FMO1: variants seen among roughly 807,000 people sequenced by gnomAD.
The protein encoded by FMO1 is flavin containing dimethylaniline monoxygenase 1.
Under a neutral mutation model 45.4 loss-of-function variants are expected in FMO1, and 36 were observed. The ratio of observed to expected loss-of-function variants is 0.79; its 90% confidence interval spans 0.61 to 1.05. The LOEUF (loss-of-function observed/expected upper bound fraction) is 1.05. Among genes scored for constraint, FMO1 ranks in the 50% least tolerant of loss-of-function variants. The pLI, the probability that FMO1 is intolerant of heterozygous loss-of-function variation, is 0.00. For synonymous variants in FMO1, 228 were observed against 227.2 expected (o/e 1.00, Z -0.03); for missense variants, 615 against 640.3 (o/e 0.96, Z 0.43).
Position 171,282,174 on chromosome 1 carries a change from G to A in FMO1, c.1024G>A (p.Val342Ile), listed in dbSNP as rs1040456258. ...TFAFPFLDES[V>I]VKVEDGQASL... The stretch of plus-strand genomic sequence containing the variant: ...TGCTTTCCCCTTCCTTGATGAGTCT[G>A]TAGTGAAAGTTGAAGATGGCCAGGC... The change falls in exon 7 of 9, where the codon GTA (valine) becomes ATA (isoleucine). Residue 342 changes from valine to isoleucine, a missense_variant. Val to Ile is a conservative substitution (Grantham distance 29, BLOSUM62 3). Coordinates refer to ENST00000617670, the MANE Select transcript of FMO1 (RefSeq NM_001282693.2). The A allele has an allele frequency of 1.2e-6, 2 of 1,614,046 alleles. No individual in the cohort carries two copies. The highest frequency in any genetic ancestry group is 2.7e-5 in the African/African-American group (2 of 75,052).
chr1:171,268,213 A>C (rs1042623773), intron 3 of FMO1, among the ~76,000 whole-genome samples: 8 of 152,082 alleles, frequency 5.3e-5, no homozygotes, highest in African/African-American at 1.9e-4. Context: ...CAGCCTCCCA[A>C]GTAGCTGGGA....
chr1:171,270,102 C>T (rs1329599130), intron 3 of FMO1, among the ~76,000 whole-genome samples: 8 of 152,126 alleles, frequency 5.3e-5, no homozygotes, highest in Non-Finnish European at 1.0e-4. Flanking sequence ...AATATAACTG[C>T]CATTACATGG....
At chr1:171,282,897 C>T in intron 7 of FMO1, 1 of 399,468 alleles carries the variant, frequency 2.5e-6, no homozygotes, top group Non-Finnish European at 4.5e-6. Context: ...TTCAGCCAAA[C>T]TAGTTGTGAG....
At chr1:171,255,201 G>A (rs1660098304) in intron 1 of FMO1, among the ~76,000 whole-genome samples, 1 of 152,124 alleles carries the variant, frequency 6.6e-6, no homozygotes, top group South Asian at 2.1e-4. Flanking sequence ...CTTGAATAAA[G>A]CCAATTTTAG....
chr1:171,254,015 G>T (rs974238758), intron 1 of FMO1: 1 of 152,138 alleles, frequency 6.6e-6, no homozygotes, highest in Non-Finnish European at 1.5e-5. Context: ...ACTACCTTTG[G>T]ACTAGCCAAT....
At position 171,253,209 on chromosome 1, in the gene FMO1, T is replaced by C. The variant is rs28384828; in HGVS notation, c.-7+4586T>C. 3.8e-3 allele frequency among the ~76,000 whole-genome samples: 578 copies of C among 152,326 alleles called. 3 individuals are homozygous for C. The highest frequency in any genetic ancestry group is 0.012 in the African/African-American group (499 of 41,566). On this transcript the variant is annotated intron_variant, in intron 1 of 8. Coordinates refer to ENST00000617670, the MANE Select transcript of FMO1 (RefSeq NM_001282693.2). ...CATCATTCTTATATTTCCCTACTCA[T>C]TTCCTTCACTTTCTAAAACACAATC...
Position 171,273,400 on chromosome 1 carries a change from T to C in FMO1, c.322-1946T>C, listed in dbSNP as rs28360396. ...TATTTTGCAATGGACACAGTAAAAA[T>C]AAAGCATTATCATAATGAATATATA... On this transcript the variant is annotated intron_variant, in intron 3 of 8. Transcript: ENST00000617670. Among the ~76,000 whole-genome samples, 132 of 152,316 alleles carry C rather than the reference T, an allele frequency of 8.7e-4. 3 individuals are homozygous for C. The East Asian group carries it at 0.022, about 25-fold the overall frequency.
At chr1:171,251,226 C>A (rs965597269) in intron 1 of FMO1, among the ~76,000 whole-genome samples, 3 of 152,100 alleles carry the variant, frequency 2.0e-5, no homozygotes, top group African/African-American at 7.2e-5. Context: ...TTAATCTTAC[C>A]GAATAAATGT....
At chr1:171,250,971 T>C (rs1192694078) in intron 1 of FMO1, among the ~76,000 whole-genome samples, 1 of 152,198 alleles carries the variant, frequency 6.6e-6, no homozygotes, top group Non-Finnish European at 1.5e-5. Context: ...ACAAATCTTC[T>C]TGGAAGGCCG....
intron 4 of FMO1, among the ~76,000 whole-genome samples, chr1:171,277,781 G>C (rs1661168754): frequency 6.6e-6 from 1 of 152,236 alleles, no homozygotes; most frequent in East Asian, 1.9e-4. Flanking sequence ...TTGTGGTTAG[G>C]TTTTAACTTG....
At position 171,283,161 on chromosome 1, in the gene FMO1, C is replaced by T. The variant is rs765441758; in HGVS notation, c.1201C>T (p.Pro401Ser). ...TCCTACAGGTGTAAATAAGTTACCA[C>T]CACCAAGTGTCATGATAGAGGAAAT... ...RVLKGVNKLP[P>S]PSVMIEEINA... The change falls in exon 8 of 9, where the codon CCA becomes TCA. Residue 401 changes from proline to serine, a missense_variant. Transcript: ENST00000617670. 1 of 1,577,372 alleles carries T rather than the reference C, an allele frequency of 6.3e-7. No individual in the cohort carries two copies. The highest frequency in any genetic ancestry group is 1.8e-5 in the Admixed American group (1 of 56,346).
rs997519723 is a variant in FMO1, at chr1:171,279,714, C to T, written c.627+843C>T. 5.3e-5 allele frequency among the ~76,000 whole-genome samples: 8 copies of T among 152,192 alleles called. No individual in the cohort carries two copies. The East Asian group carries it at 9.6e-4, about 18-fold the overall frequency. Reference sequence around the variant, plus strand: ...AAGAGCCTGCTCTCATTATAGCACTCTCATGCTGAAAAACCTCTAATTATT... The same window carrying T: ...AAGAGCCTGCTCTCATTATAGCACTTTCATGCTGAAAAACCTCTAATTATT... On this transcript the variant is annotated intron_variant, in intron 5 of 8. Coordinates refer to ENST00000617670, the MANE Select transcript of FMO1 (RefSeq NM_001282693.2).
chr1:171,259,718 A>G (rs986475049), intron 2 of FMO1, among the ~76,000 whole-genome samples: 2 of 152,248 alleles, frequency 1.3e-5, no homozygotes, highest in Non-Finnish European at 2.9e-5. Flanking sequence ...TGCTCCTTGT[A>G]TAGGTCACAG....
At chr1:171,254,419 G>A (rs1365737681) in intron 1 of FMO1, among the ~76,000 whole-genome samples, 1 of 152,082 alleles carries the variant, frequency 6.6e-6, no homozygotes, top group Non-Finnish European at 1.5e-5. Flanking sequence ...AATGGATATA[G>A]ATGATAAATG....
chr1:171,285,730 G>A lies in FMO1; in HGVS notation c.*186G>A. The A allele has an allele frequency of 2.5e-6, 1 of 399,810 alleles. No individual in the cohort carries two copies. The highest frequency in any genetic ancestry group is 3.6e-5 in the East Asian group (1 of 27,592). The allele number at this position is 399,810 out of a possible 1,614,324, so 24.8% of individuals were successfully genotyped here. On this transcript the variant is annotated 3_prime_UTR_variant, in exon 9 of 9. Transcript: ENST00000617670. The stretch of plus-strand genomic sequence containing the variant: ...AGCCTCTCCCAGCTCCACTTCTAAT[G>A]CTAGAGAATGATAACTAAGACTTCT...
chr1:171,257,339 C>G (rs1289296795), intron 1 of FMO1, among the ~76,000 whole-genome samples: 1 of 152,072 alleles, frequency 6.6e-6, no homozygotes, highest in Admixed American at 6.5e-5. Context: ...TTCTCTGGCC[C>G]ATCCCAGTGG....
chr1:171,280,260 G>C (rs1276538678), intron 5 of FMO1, among the ~76,000 whole-genome samples: 1 of 152,172 alleles, frequency 6.6e-6, no homozygotes, highest in Non-Finnish European at 1.5e-5. Context: ...AATTGTACAG[G>C]AAACTCCTTA....
At position 171,267,555 on chromosome 1, in the gene FMO1, G is replaced by A. The variant is rs769141001; in HGVS notation, c.145G>A (p.Glu49Lys). 101 of 1,602,740 alleles carry A rather than the reference G, an allele frequency of 6.3e-5. No individual in the cohort carries two copies. Among genetic ancestry groups the A allele is most frequent in the Non-Finnish European group, 8.3e-5 (97 of 1,175,518 alleles). ...ACTGTTTGTACAGGAACATGTTGAA[G>A]AAGGCAGAGCCAGTCTCTACAAGTC... ...GLWRFTEHVE[E>K]GRASLYKSVV... Residue 49 changes from glutamate to lysine, a missense_variant, in exon 3 of 9, where the codon GAA becomes AAA. Glu to Lys is a moderately conservative substitution (Grantham distance 56, BLOSUM62 1). Coordinates refer to ENST00000617670, the MANE Select transcript of FMO1 (RefSeq NM_001282693.2).
chr1:171,258,663 C>A (rs1171694763), intron 2 of FMO1, among the ~76,000 whole-genome samples: 1 of 152,228 alleles, frequency 6.6e-6, no homozygotes, highest in Non-Finnish European at 1.5e-5. Context: ...GCATTACAGA[C>A]TCAGGGCTCT....
Sources: gnomAD v4.1 joint callset for allele counts (sites outside exome capture counted in the v4.1 genomes callset) on GRCh38, gnomAD v4.1.1 for gene constraint, MANE v1.5 for transcripts, NCBI Gene and HGNC (gene_info 2026-07-23, HGNC 2026-07-21) for gene names.